Variants in SLC35F1 observed in about 807,000 individuals in gnomAD.
The protein encoded by SLC35F1 is chromosome 6 open reading frame 169.
A neutral mutation model predicts 48.7 loss-of-function variants in SLC35F1; 14 were observed. The observed-to-expected ratio is 0.29, with a 90% CI of 0.19 to 0.45. The LOEUF (loss-of-function observed/expected upper bound fraction) is 0.45, where lower values mean the gene tolerates loss of function less well. SLC35F1 is among the 20% of genes least tolerant of loss of function. SLC35F1 has a pLI of 1.00. For missense variants in SLC35F1, 404 were observed against 500.0 expected, an observed-to-expected ratio of 0.81 and a Z score of 1.83; for synonymous variants, 190 against 202.2, an observed-to-expected ratio of 0.94 and a Z score of 0.51.
intron 1 of SLC35F1, among the ~76,000 whole-genome samples, chr6:117,998,084 A>T (rs1777023807): frequency 6.7e-6 from 1 of 148,972 alleles, no homozygotes; most frequent in Non-Finnish European, 1.5e-5. Context: ...AGGAAGATCT[A>T]CCAAGCAAAT....
At chr6:118,028,688 A>G (rs1418100093) in intron 1 of SLC35F1, among the ~76,000 whole-genome samples, 19 of 152,266 alleles carry the variant, frequency 1.2e-4, no homozygotes, top group Non-Finnish European at 1.0e-4. Flanking sequence ...TGGGAAGGGC[A>G]TAGGGAAAGA....
intron 1 of SLC35F1, among the ~76,000 whole-genome samples, chr6:118,050,675 A>T (rs1173381191): frequency 6.6e-6 from 1 of 152,112 alleles, no homozygotes; most frequent in Non-Finnish European, 1.5e-5. Context: ...TCCCTGTTGA[A>T]TCCTAGGTGA....
At chr6:118,018,187 A>G (rs149384222) in intron 1 of SLC35F1, among the ~76,000 whole-genome samples, 1,643 of 152,214 alleles carry the variant, frequency 0.011, 36 homozygotes, top group African/African-American at 0.037. Context: ...CCTGGCCAAC[A>G]TGGTGAAACC....
chr6:118,124,606 C>A (rs1428367466), intron 1 of SLC35F1, among the ~76,000 whole-genome samples: 1 of 152,114 alleles, frequency 6.6e-6, no homozygotes, highest in Non-Finnish European at 1.5e-5. Flanking sequence ...GTTACTGAGC[C>A]GGCCCAGGCT....
intron 1 of SLC35F1, among the ~76,000 whole-genome samples, chr6:118,089,041 G>A (rs1562286251): frequency 1.3e-5 from 2 of 152,152 alleles, no homozygotes; most frequent in South Asian, 4.1e-4. Context: ...TTAAGAAGCT[G>A]TTGCAGAAAC....
At chr6:117,924,486 G>GTATATACATATATACA (rs1361769187) in intron 1 of SLC35F1, among the ~76,000 whole-genome samples, 1 of 17,882 alleles carries the variant, frequency 5.6e-5, no homozygotes, top group Non-Finnish European at 1.4e-4. Context: ...ATGTATATAC[G>GTATATACATATATACA]TATATACATA....
intron 1 of SLC35F1, among the ~76,000 whole-genome samples, chr6:117,910,813 C>T (rs1182851106): frequency 6.6e-6 from 1 of 152,176 alleles, no homozygotes; most frequent in African/African-American, 2.4e-5. Flanking sequence ...TGGTCACAGT[C>T]TACAGGAACA....
intron 3 of SLC35F1, among the ~76,000 whole-genome samples, chr6:118,254,557 A>T (rs998391447): frequency 6.6e-6 from 1 of 152,120 alleles, no homozygotes; most frequent in African/African-American, 2.4e-5. Context: ...GCTAGTACAG[A>T]TGTGAGCCAC....
At chr6:118,291,977 G>A (rs188099658) in intron 7 of SLC35F1, among the ~76,000 whole-genome samples, 9 of 152,242 alleles carry the variant, frequency 5.9e-5, no homozygotes, top group Non-Finnish European at 8.8e-5. Flanking sequence ...AATTAGCTGG[G>A]CATGGTGGCA....
At chr6:118,219,397 A>G (rs1368266542) in intron 2 of SLC35F1, among the ~76,000 whole-genome samples, 1 of 152,200 alleles carries the variant, frequency 6.6e-6, no homozygotes, top group East Asian at 1.9e-4. Flanking sequence ...CACATGAAAC[A>G]TTAGAAAATA....
intron 1 of SLC35F1, among the ~76,000 whole-genome samples, chr6:118,022,814 G>C (rs1315550708): frequency 6.7e-6 from 1 of 148,800 alleles, no homozygotes; most frequent in Admixed American, 6.7e-5. Flanking sequence ...GCAGTGGTGC[G>C]ATCTCGGCTC....
At chr6:118,083,272 C>T (rs1467388028) in intron 1 of SLC35F1, among the ~76,000 whole-genome samples, 1 of 152,054 alleles carries the variant, frequency 6.6e-6, no homozygotes, top group African/African-American at 2.4e-5. Context: ...ATGAAGTAAA[C>T]AAATGTTTGG....
rs1320062578 is a variant in SLC35F1 at position 118,126,096 on chromosome 6, AG to A, written c.174-28348del. ...ATTTACCTTGAGAAGCAGAATAGTCAGTGGTTAAGCCTTCAAAGATGACAGC... is the reference window on the plus strand; with the variant it reads ...ATTTACCTTGAGAAGCAGAATAGTCATGGTTAAGCCTTCAAAGATGACAGC... On this transcript the variant is annotated intron_variant, in intron 1 of 7. Coordinates refer to ENST00000360388, the MANE Select transcript of SLC35F1 (RefSeq NM_001029858.4). Among the ~76,000 whole-genome samples, 53 of 152,304 alleles carry A rather than the reference AG, an allele frequency of 3.5e-4. No individual in the cohort carries two copies. In the East Asian group the frequency reaches 9.5e-3, roughly 27 times the overall value.
At chr6:117,950,196 C>T (rs1776345935) in intron 1 of SLC35F1, among the ~76,000 whole-genome samples, 4 of 152,146 alleles carry the variant, frequency 2.6e-5, no homozygotes, top group Non-Finnish European at 5.9e-5. Flanking sequence ...TCTTTCCTAG[C>T]AACGAGTTTG....
At chr6:118,235,357 G>T in intron 2 of SLC35F1, 152 bp from the exon 3 acceptor site, 1 of 765,198 alleles carries the variant, frequency 1.3e-6, no homozygotes, top group Non-Finnish European at 2.0e-6. Flanking sequence ...ATAAAAACAT[G>T]TGGGTATCTG....
At chr6:118,209,326 G>C (rs1774974859) in intron 2 of SLC35F1, among the ~76,000 whole-genome samples, 1 of 152,302 alleles carries the variant, frequency 6.6e-6, no homozygotes, top group Admixed American at 6.5e-5. Context: ...AGTGTCAGCA[G>C]TGACCCTTTT....
intron 1 of SLC35F1, among the ~76,000 whole-genome samples, chr6:118,108,239 T>A (rs541953857): frequency 3.9e-4 from 60 of 152,200 alleles, no homozygotes; most frequent in Non-Finnish European, 7.8e-4. Flanking sequence ...AACTTGATGT[T>A]TAACTGTACA....
At chr6:117,993,863 A>T (rs532805267) in intron 1 of SLC35F1, among the ~76,000 whole-genome samples, 1 of 152,342 alleles carries the variant, frequency 6.6e-6, no homozygotes, top group East Asian at 1.9e-4. Context: ...TCCAAATGCA[A>T]GTGTGTTCAT....
chr6:118,256,203 C>A (rs1045180372), intron 3 of SLC35F1, among the ~76,000 whole-genome samples: 5 of 133,764 alleles, frequency 3.7e-5, no homozygotes, highest in African/African-American at 1.5e-4. Context: ...AAGAAGACTT[C>A]TGGTGTGTGT....
Sources: gnomAD v4.1 joint callset for allele counts (sites outside exome capture counted in the v4.1 genomes callset) on GRCh38, gnomAD v4.1.1 for gene constraint, MANE v1.5 for transcripts, NCBI Gene and HGNC (gene_info 2026-07-23, HGNC 2026-07-21) for gene names.